The following GDF1 variants were observed in gnomAD, a reference collection of about 807,000 sequenced individuals.
The protein encoded by GDF1 is embryonic growth/differentiation factor 1.
Under a neutral mutation model 7.4 loss-of-function variants are expected in GDF1, and 8 were observed. The observed-to-expected ratio is 1.09, with a 90% confidence interval of 0.64 to 1.96. The LOEUF is 1.96. GDF1 is among the 30% of genes most tolerant of loss of function. The pLI is 0.00. For synonymous variants in GDF1, 311 were observed against 276.7 expected (o/e 1.12, Z -1.23); for missense variants, 574 against 551.5 (o/e 1.04, Z -0.41).
chr19:18,892,375 G>C (rs188116678), intron 2 of GDF1, among the ~76,000 whole-genome samples: 1 of 152,094 alleles, frequency 6.6e-6, no homozygotes, highest in African/African-American at 2.4e-5. Flanking sequence ...AGCACTTTGG[G>C]AGGCTGAGGC....
chr19:18,893,923 T>C (rs568317770), intron 1 of GDF1, among the ~76,000 whole-genome samples: 45 of 129,588 alleles, frequency 3.5e-4, no homozygotes, highest in African/African-American at 8.1e-4. Flanking sequence ...GGGTGACCCT[T>C]GAAGGGAACA....
Position 18,869,308 on chromosome 19 carries a change from C to T in GDF1, c.408G>A (p.Val136=), listed in dbSNP as rs1374393967. 6.6e-7 allele frequency: 1 copy of T among 1,519,764 alleles called. No homozygotes were observed. Among genetic ancestry groups the T allele is most frequent in the Non-Finnish European group, 8.8e-7 (1 of 1,141,182 alleles). The allele number at this position is 1,519,764 out of a possible 1,614,324, so 94.1% of individuals were successfully genotyped here. ...EWTVVFDLSA[V]EPAERPSRAR... ...CCCGGCTCGGGCGCTCAGCGGGTTC[C>T]ACAGCCGACAGGTCGAAGACGACTG... The change falls in exon 8 of 8, where the codon GTG becomes GTA. Residue 136 remains valine, a synonymous_variant. Coordinates refer to ENST00000247005, the MANE Select transcript of GDF1 (RefSeq NM_001492.6).
intron 6 of GDF1, among the ~76,000 whole-genome samples, chr19:18,875,530 G>A (rs141685620): frequency 3.1e-3 from 465 of 150,080 alleles, no homozygotes; most frequent in African/African-American, 0.01. Flanking sequence ...GCGACAGAGC[G>A]AGACACTGTC....
At position 18,869,925 on chromosome 19, in the gene GDF1, G is replaced by C. The variant is rs999479369; in HGVS notation, c.325+58C>G. 21 of 1,506,526 alleles carry C rather than the reference G, an allele frequency of 1.4e-5. No homozygotes were observed. The African/African-American group carries it at 2.2e-4, about 16-fold the overall frequency. 93.3% of individuals were successfully genotyped at this position (1,506,526 alleles called of 1,614,324 possible). Reference sequence around the variant, plus strand: ...CGGGCATCCCCGGGCCACTCTCGAGGCTCGCCCTGCGAGGTCTGGCCTCCA... The same window carrying C: ...CGGGCATCCCCGGGCCACTCTCGAGCCTCGCCCTGCGAGGTCTGGCCTCCA... On this transcript the variant is annotated intron_variant, in intron 7 of 7. Coordinates refer to ENST00000247005, the MANE Select transcript of GDF1 (RefSeq NM_001492.6).
intron 2 of GDF1, among the ~76,000 whole-genome samples, chr19:18,888,636 G>T (rs2056419658): frequency 6.7e-6 from 1 of 150,204 alleles, no homozygotes; most frequent in African/African-American, 2.5e-5. Flanking sequence ...TTCAAGACCA[G>T]CCTGACCAAC....
chr19:18,874,301 A>G (rs2056024572), intron 6 of GDF1, among the ~76,000 whole-genome samples: 1 of 152,132 alleles, frequency 6.6e-6, no homozygotes, highest in Non-Finnish European at 1.5e-5. Context: ...TGAAGTTCAC[A>G]GTTTTCTATT....
At chr19:18,893,288 C>T in intron 2 of GDF1, 128 bp downstream of exon 2, 1 of 1,025,042 alleles carries the variant, frequency 9.8e-7, no homozygotes, top group South Asian at 1.6e-5. Context: ...GCTCATAGCT[C>T]CCCTTGGCCT....
intron 6 of GDF1, among the ~76,000 whole-genome samples, chr19:18,871,748 C>CTT (rs2055974626): frequency 6.6e-6 from 1 of 152,236 alleles, no homozygotes; most frequent in South Asian, 2.1e-4. Context: ...GACTGTTGGT[C>CTT]TTTATCTGAG....
chr19:18,873,969 G>A (rs2056019630), intron 6 of GDF1, among the ~76,000 whole-genome samples: 1 of 152,110 alleles, frequency 6.6e-6, no homozygotes, highest in Admixed American at 6.6e-5. Flanking sequence ...CTGGGTTTGA[G>A]GAGGACCCAG....
chr19:18,872,168 G>A (rs1335269827), intron 6 of GDF1, among the ~76,000 whole-genome samples: 2 of 152,156 alleles, frequency 1.3e-5, no homozygotes, highest in African/African-American at 2.4e-5. Flanking sequence ...CTCGGTGATG[G>A]GTGCCCCCGC....
At chr19:18,880,248 C>T in intron 4 of GDF1, 26 bp downstream of exon 4, 1 of 1,530,108 alleles carries the variant, frequency 6.5e-7, no homozygotes, top group Non-Finnish European at 8.8e-7. Flanking sequence ...CACCTCCCTC[C>T]CTGCCCAGCA....
chr19:18,869,315 G>T lies in GDF1; in HGVS notation c.401C>A (p.Ser134Ter). 1 of 1,521,848 alleles carries T rather than the reference G, an allele frequency of 6.6e-7. No homozygotes were observed. The highest frequency in any genetic ancestry group is 8.8e-7 in the Non-Finnish European group (1 of 1,141,972). The allele number at this position is 1,521,848 out of a possible 1,614,324, so 94.3% of individuals were successfully genotyped here. The change falls in exon 8 of 8, where the codon TCG (serine) becomes TAG (stop). Residue 134 changes from serine (S) to a stop codon, truncating the protein, a stop_gained. Transcript: ENST00000247005. LOFTEE classifies it low-confidence loss of function (END_TRUNC). Reference protein sequence around the residue: ...CPEWTVVFDLSAVEPAERPSR... With the variant: ...CPEWTVVFDL ...CGGGCGCTCAGCGGGTTCCACAGCC[G>T]ACAGGTCGAAGACGACTGTCCACTC...
intron 6 of GDF1, among the ~76,000 whole-genome samples, chr19:18,874,302 G>A (rs751506124): frequency 6.6e-6 from 1 of 152,162 alleles, no homozygotes; most frequent in Non-Finnish European, 1.5e-5. Flanking sequence ...GAAGTTCACA[G>A]TTTTCTATTT....
intron 2 of GDF1, among the ~76,000 whole-genome samples, chr19:18,889,116 TC>T (rs1416716384): frequency 1.3e-5 from 2 of 152,002 alleles, no homozygotes; most frequent in Non-Finnish European, 2.9e-5. Context: ...GGTCTGGAAC[TC>T]CCGGCCTCAA....
rs760185006 is a variant in GDF1 at position 18,895,895 on chromosome 19, G to A, written c.-1145C>T. The A allele has an allele frequency of 4.6e-4, 576 of 1,264,130 alleles. 2 individuals carry two copies. Among genetic ancestry groups the A allele is most frequent in the Non-Finnish European group, 5.5e-4 (549 of 1,004,904 alleles). The allele number at this position is 1,264,130 out of a possible 1,614,324, so 78.3% of individuals were successfully genotyped here. Reference sequence around the variant, plus strand: ...AGCGCGCCGAGCGCCAGCAGCAGCAGCTCGGGCGGCGCCAGGTGCGCGTGC... The same window carrying A: ...AGCGCGCCGAGCGCCAGCAGCAGCAACTCGGGCGGCGCCAGGTGCGCGTGC... On this transcript the variant is annotated 5_prime_UTR_variant, in exon 1 of 8. Transcript: ENST00000247005. The surrounding 1 kb of genome is among the most constrained non-coding windows in gnomAD (Gnocchi z 6.4).
intron 6 of GDF1, among the ~76,000 whole-genome samples, chr19:18,876,536 TTGTG>T (rs60266196): frequency 2.4e-4 from 34 of 143,272 alleles, no homozygotes; most frequent in South Asian, 8.9e-4. Context: ...TTTGATTGGG[TTGTG>T]TGTGTGTGTG....
Position 18,878,789 on chromosome 19 carries a change from G to A in GDF1, c.-313+141C>T. 6.8e-7 allele frequency: 1 copy of A among 1,465,962 alleles called. No individual in the cohort carries two copies. The highest frequency in any genetic ancestry group is 9.0e-7 in the Non-Finnish European group (1 of 1,108,760). The allele number at this position is 1,465,962 out of a possible 1,614,324, so 90.8% of individuals were successfully genotyped here. On this transcript the variant is annotated intron_variant, in intron 6 of 7. Coordinates refer to ENST00000247005, the MANE Select transcript of GDF1 (RefSeq NM_001492.6). The surrounding 1 kb of genome is among the most constrained non-coding windows in gnomAD (Gnocchi z 4.6). Reference sequence around the variant, plus strand: ...CCACATCGTCCACGCCTTTATTGCAGTCTCTGTTTTGGAGTAGGCTTGGGG... The same window carrying A: ...CCACATCGTCCACGCCTTTATTGCAATCTCTGTTTTGGAGTAGGCTTGGGG...
intron 2 of GDF1, among the ~76,000 whole-genome samples, chr19:18,885,036 G>A (rs1245868111): frequency 1.3e-5 from 2 of 151,786 alleles, no homozygotes; most frequent in Non-Finnish European, 2.9e-5. Context: ...TTTATTTTAG[G>A]AAGAGTTTTG....
chr19:18,875,475 G>A (rs1487868184), intron 6 of GDF1, among the ~76,000 whole-genome samples: 2 of 151,510 alleles, frequency 1.3e-5, no homozygotes, highest in South Asian at 2.1e-4. Flanking sequence ...CCTGGGAGGC[G>A]GAGGTTGCAG....
Sources: allele counts gnomAD v4.1 joint callset (sites outside exome capture counted in the v4.1 genomes callset), GRCh38; gene constraint gnomAD v4.1.1; non-coding constraint Gnocchi (gnomAD v3.1); transcripts MANE v1.5; gene names NCBI Gene and HGNC (gene_info 2026-07-23, HGNC 2026-07-21).